AKR1C8: variants seen among roughly 807,000 people sequenced by gnomAD.
AKR1C8 encodes the protein aldo-keto reductase family 1 member C8.
At chr10:5,123,838 AG>A in the AKR1C8 span, 1 of 1,603,020 alleles carries the variant, frequency 6.2e-7, no homozygotes, top group Non-Finnish European at 8.5e-7. Context: ...TGACAAAGAT[AG>A]AAAAACATCA....
chr10:5,130,975 T>G, the AKR1C8 span, among the ~76,000 whole-genome samples: 1 of 151,972 alleles, frequency 6.6e-6, no homozygotes, highest in African/African-American at 2.4e-5. Context: ...GAAAGGAGCA[T>G]AGTATTAATA....
the AKR1C8 span, among the ~76,000 whole-genome samples, chr10:5,146,314 A>T: frequency 3.3e-5 from 5 of 151,944 alleles, no homozygotes; most frequent in Non-Finnish European, 5.9e-5. Context: ...AACCTGCACA[A>T]TGTGCACATG....
the AKR1C8 span, among the ~76,000 whole-genome samples, chr10:5,153,200 G>A: frequency 2.0e-5 from 3 of 151,636 alleles, no homozygotes; most frequent in African/African-American, 4.9e-5. Context: ...CTAAAACAAC[G>A]TGTGGCATAC....
chr10:5,118,610 G>T, the AKR1C8 span, among the ~76,000 whole-genome samples: 1 of 152,158 alleles, frequency 6.6e-6, no homozygotes, highest in Non-Finnish European at 1.5e-5. Context: ...AACTAGTTTA[G>T]AGGAAAAGAG....
the AKR1C8 span, among the ~76,000 whole-genome samples, chr10:5,158,404 T>C: frequency 6.6e-6 from 1 of 152,214 alleles, no homozygotes; most frequent in East Asian, 1.9e-4. Context: ...AGTAGTCACA[T>C]AGATGAAACA....
the AKR1C8 span, among the ~76,000 whole-genome samples, chr10:5,163,812 A>G: frequency 6.6e-6 from 1 of 152,192 alleles, no homozygotes; most frequent in African/African-American, 2.4e-5. Flanking sequence ...AACTACACTA[A>G]TAAGAGAACA....
the AKR1C8 span, among the ~76,000 whole-genome samples, chr10:5,175,189 T>C: frequency 7.0e-6 from 1 of 142,468 alleles, no homozygotes; most frequent in African/African-American, 2.6e-5. Flanking sequence ...TGTGTTCTCA[T>C]TGTTCAATTC....
the AKR1C8 span, chr10:5,155,693 C>T: frequency 2.1e-5 from 10 of 473,156 alleles, 1 homozygote; most frequent in Admixed American, 7.1e-5. Context: ...CTTGTCATAT[C>T]GGAGATTTCT....
chr10:5,163,557 G>A, the AKR1C8 span, among the ~76,000 whole-genome samples: 1 of 152,130 alleles, frequency 6.6e-6, no homozygotes, highest in Non-Finnish European at 1.5e-5. Flanking sequence ...GCACAATCTA[G>A]TCCCCATTAT....
chr10:5,160,492 T>C, the AKR1C8 span, among the ~76,000 whole-genome samples: 2 of 152,198 alleles, frequency 1.3e-5, no homozygotes, highest in Non-Finnish European at 2.9e-5. Context: ...CTCCATGATG[T>C]GTTTCTATCC....
At chr10:5,146,845 A>G in the AKR1C8 span, among the ~76,000 whole-genome samples, 3 of 152,176 alleles carry the variant, frequency 2.0e-5, no homozygotes, top group Non-Finnish European at 4.4e-5. Context: ...CTCAAATGGA[A>G]AGCTTTGTCA....
At chr10:5,167,560 C>T in the AKR1C8 span, among the ~76,000 whole-genome samples, 1 of 152,162 alleles carries the variant, frequency 6.6e-6, no homozygotes, top group Non-Finnish European at 1.5e-5. Flanking sequence ...CGCATGTTCT[C>T]ACTCATAGGT....
At chr10:5,121,369 T>C in the AKR1C8 span, among the ~76,000 whole-genome samples, 2 of 152,288 alleles carry the variant, frequency 1.3e-5, no homozygotes, top group African/African-American at 2.4e-5. Context: ...GGATCTTATC[T>C]TGGTAGAGGC....
At chr10:5,146,605 G>A in the AKR1C8 span, among the ~76,000 whole-genome samples, 1 of 152,054 alleles carries the variant, frequency 6.6e-6, no homozygotes, top group African/African-American at 2.4e-5. Context: ...TTTGTGAAAG[G>A]CCAGGAAATT....
the AKR1C8 span, chr10:5,157,840 G>C: frequency 2.2e-6 from 1 of 450,266 alleles, no homozygotes; most frequent in Non-Finnish European, 4.6e-6. Flanking sequence ...AAGGATGCAG[G>C]ATGGAAAATC....
the AKR1C8 span, among the ~76,000 whole-genome samples, chr10:5,142,216 T>C: frequency 1.3e-5 from 2 of 152,198 alleles, no homozygotes; most frequent in East Asian, 3.9e-4. Flanking sequence ...CTTCATACAC[T>C]TGAAGAGAGT....
the AKR1C8 span, chr10:5,157,863 C>CT: frequency 2.5e-6 from 1 of 403,756 alleles, no homozygotes; most frequent in Non-Finnish European, 5.2e-6. Context: ...CAGTGCGCTG[C>CT]TCCTTTTCCC....
the AKR1C8 span, among the ~76,000 whole-genome samples, chr10:5,181,032 AACCCGGT>A: frequency 6.6e-6 from 1 of 152,166 alleles, no homozygotes; most frequent in Non-Finnish European, 1.5e-5. Flanking sequence ...TTGTGAGATG[AACCCGGT>A]ACCTCAGATG....
chr10:5,118,617 A>G, the AKR1C8 span, among the ~76,000 whole-genome samples: 1 of 152,156 alleles, frequency 6.6e-6, no homozygotes. Context: ...TTAGAGGAAA[A>G]GAGGATTGAC....
Sources: gnomAD v4.1 joint callset for allele counts (sites outside exome capture counted in the v4.1 genomes callset) on GRCh38, gnomAD v4.1.1 for gene constraint, MANE v1.5 for transcripts, NCBI Gene and HGNC (gene_info 2026-07-23, HGNC 2026-07-21) for gene names.